The following SI variants were observed in gnomAD, a reference collection of about 807,000 sequenced individuals.
SI encodes sucrase-isomaltase.
A neutral mutation model predicts 253.3 loss-of-function variants in SI; 235 were observed. The ratio of observed to expected loss-of-function variants is 0.93; its 90% CI spans 0.83 to 1.03. The LOEUF (loss-of-function observed/expected upper bound fraction) is 1.03. Ranked by LOEUF, SI falls within the 50% of genes least tolerant of loss-of-function variation. SI has a pLI of 0.00. For missense variants in SI, 2,442 were observed against 2,211.1 expected (o/e 1.10, Z -2.09); for synonymous variants, 819 against 712.0 (o/e 1.15, Z -2.39).
chr3:164,980,196 C>A (rs1026824244), intron 47 of SI, among the ~76,000 whole-genome samples: 2 of 151,838 alleles, frequency 1.3e-5, no homozygotes, highest in African/African-American at 4.8e-5. Flanking sequence ...AAAATTTAAT[C>A]TTCCTTAAAG....
chr3:165,009,306 T>C lies in SI; in HGVS notation c.4152A>G (p.Glu1384=), dbSNP rs777124123. 1 of 1,611,314 alleles carries C rather than the reference T, an allele frequency of 6.2e-7. No homozygotes were observed. The highest frequency in any genetic ancestry group is 1.7e-5 in the Admixed American group (1 of 60,002). Residue 1384 remains glutamate (E), a synonymous_variant, in exon 35 of 48, where the codon GAA becomes GAG. Transcript: ENST00000264382. ...WAREIVDFYN[E]KMKFDGLWID... ...TCCACAAACCATCAAACTTCATCTT[T>C]TCATTGTAAAAGTCCACAATTTCTC... is the stretch of plus-strand genomic sequence containing the variant.
chr3:165,042,947 T>C (rs1712919674), intron 17 of SI, 112 bp downstream of exon 17: 1 of 759,494 alleles, frequency 1.3e-6, no homozygotes, highest in Non-Finnish European at 2.4e-6. Flanking sequence ...CAATGTCTTA[T>C]GAATTATGCT....
rs994143302 is a variant in SI, at chr3:165,007,951, T to C, written c.4227A>G (p.Gln1409=). 5.6e-6 allele frequency: 9 copies of C among 1,603,072 alleles called. No homozygotes were observed. The African/African-American group carries it at 1.2e-4, about 21-fold the overall frequency. Residue 1409 remains glutamine (Q), a synonymous_variant, in exon 36 of 48, where the codon CAA becomes CAG. Coordinates refer to ENST00000264382, the MANE Select transcript of SI (RefSeq NM_001041.4). ...GATAATTTAGTTCGTCATTTCTGCA[T>C]TGATTAGTAGTTGTTCCATTTACAA... The part of the protein sequence containing the change: ...SSFVNGTTTN[Q]CRNDELNYPP...
At chr3:165,081,048 C>T (rs146668266), upstream of SI, among the ~76,000 whole-genome samples, 139 of 152,028 alleles carry the variant, frequency 9.1e-4, 1 homozygote, top group African/African-American at 3.2e-3. Context: ...CACCCTAGCT[C>T]TGGTTCCAAC....
At chr3:165,089,920 G>C in the SI span, among the ~76,000 whole-genome samples, 1 of 152,120 alleles carries the variant, frequency 6.6e-6, no homozygotes, top group Non-Finnish European at 1.5e-5. Flanking sequence ...AAACAAGAGA[G>C]AGAGACAGAG....
Position 165,043,151 on chromosome 3 carries a change from C to A in SI, c.1912G>T (p.Val638Leu). 1.2e-6 allele frequency: 2 copies of A among 1,611,118 alleles called. No individual in the cohort carries two copies. Among genetic ancestry groups the A allele is most frequent in the African/African-American group, 1.3e-5 (1 of 74,922 alleles). Residue 638 changes from valine to leucine, a missense_variant, in exon 17 of 48, where the codon GTG (valine) becomes TTG (leucine). Val to Leu is a conservative substitution (Grantham distance 32). Transcript: ENST00000264382. ...CAAAGTTCTTCTGTGGTTTCAGCCA[C>A]AAATCCACAGATGTCTGCTCCAACC... ...PLVGADICGF[V>L]AETTEELCRR...
intron 45 of SI, among the ~76,000 whole-genome samples, chr3:164,984,161 T>TA (rs953044579): frequency 3.9e-4 from 59 of 152,140 alleles, no homozygotes; most frequent in African/African-American, 1.3e-3. Flanking sequence ...TGTTTTTATG[T>TA]AAAAAAACAA....
the SI span, among the ~76,000 whole-genome samples, chr3:165,085,064 T>C: frequency 6.6e-6 from 1 of 152,242 alleles, no homozygotes; most frequent in East Asian, 1.9e-4. Context: ...TCTAAGGTTA[T>C]TGCTATACTA....
At chr3:165,075,366 G>C (rs774635875) in intron 2 of SI, among the ~76,000 whole-genome samples, 1 of 151,872 alleles carries the variant, frequency 6.6e-6, no homozygotes, top group African/African-American at 2.4e-5. Flanking sequence ...TCAGCATTCC[G>C]TATGTACCAA....
intron 15 of SI, among the ~76,000 whole-genome samples, chr3:165,048,441 A>C (rs974588011): frequency 6.6e-6 from 1 of 151,096 alleles, no homozygotes; most frequent in African/African-American, 2.4e-5. Context: ...ATATTTTCCC[A>C]GGCTAATTGT....
At chr3:164,991,565 A>C in intron 43 of SI, 88 bp from the exon 44 acceptor site, 1 of 1,344,248 alleles carries the variant, frequency 7.4e-7, no homozygotes, top group Non-Finnish European at 1.1e-6. Flanking sequence ...ATTTTAAAAA[A>C]TCAAATGATA....
chr3:165,000,778 A>T (rs1718222465), intron 37 of SI, among the ~76,000 whole-genome samples: 2 of 151,402 alleles, frequency 1.3e-5, no homozygotes, highest in African/African-American at 4.8e-5. Flanking sequence ...GTTCAGTCAC[A>T]ATTAACTTAG....
At chr3:165,085,940 T>C in the SI span, among the ~76,000 whole-genome samples, 1 of 152,106 alleles carries the variant, frequency 6.6e-6, no homozygotes, top group East Asian at 1.9e-4. Flanking sequence ...AGGTTTACAT[T>C]GTAGTACTCA....
At chr3:164,981,213 T>C (rs745954798) in intron 47 of SI, among the ~76,000 whole-genome samples, 3 of 152,092 alleles carry the variant, frequency 2.0e-5, no homozygotes, top group Non-Finnish European at 4.4e-5. Context: ...GATACAGTTT[T>C]AAGAAAAATA....
At chr3:164,990,627 C>G (rs1045465095) in intron 44 of SI, among the ~76,000 whole-genome samples, 1 of 152,020 alleles carries the variant, frequency 6.6e-6, no homozygotes, top group Non-Finnish European at 1.5e-5. Flanking sequence ...AACCATCATT[C>G]TCAGCAAACT....
intron 34 of SI, among the ~76,000 whole-genome samples, chr3:165,012,219 G>A (rs1334039015): frequency 6.6e-6 from 1 of 152,118 alleles, no homozygotes; most frequent in Non-Finnish European, 1.5e-5. Flanking sequence ...AGGGTAGAAT[G>A]GTAGTTGCCC....
intron 24 of SI, 132 bp from the exon 25 acceptor site, chr3:165,030,999 C>G: frequency 7.9e-7 from 1 of 1,264,030 alleles, no homozygotes. Context: ...GCAACGAGGG[C>G]AATTCTTCAA....
chr3:165,037,240 T>C (rs955795855), intron 21 of SI, among the ~76,000 whole-genome samples: 1 of 151,966 alleles, frequency 6.6e-6, no homozygotes, highest in Non-Finnish European at 1.5e-5. Context: ...ATATTCTTAA[T>C]GTTATGAAGA....
intron 37 of SI, among the ~76,000 whole-genome samples, chr3:165,001,817 A>T (rs1433893676): frequency 1.3e-5 from 2 of 151,516 alleles, no homozygotes; most frequent in Non-Finnish European, 3.0e-5. Context: ...TATTAAAAAA[A>T]ATATACAAGA....
Sources: allele counts gnomAD v4.1 joint callset (sites outside exome capture counted in the v4.1 genomes callset), GRCh38; gene constraint gnomAD v4.1.1; transcripts MANE v1.5; gene names NCBI Gene and HGNC (gene_info 2026-07-23, HGNC 2026-07-21).